NTM: variants seen among roughly 807,000 people sequenced by gnomAD.
NTM encodes neurotrimin, also known as IgLON family member 2.
In NTM, 13 loss-of-function variants were observed where a neutral mutation model predicts 42.1. That is an observed-to-expected ratio of 0.31 (90% CI 0.20 to 0.49). NTM has a LOEUF of 0.49. NTM is among the 20% of genes least tolerant of loss of function. NTM has a pLI of 0.99. For synonymous variants in NTM, 187 were observed against 179.2 expected (o/e 1.04, Z -0.35); for missense variants, 373 against 452.8 (o/e 0.82, Z 1.60).
At chr11:131,625,498 GAGAC>G (rs1231922712) in intron 1 of NTM, among the ~76,000 whole-genome samples, 2 of 152,206 alleles carry the variant, frequency 1.3e-5, no homozygotes, top group African/African-American at 2.4e-5. Context: ...CAAAGACAGA[GAGAC>G]AGACAGACAC....
intron 1 of NTM, among the ~76,000 whole-genome samples, chr11:131,577,699 T>A (rs947170368): frequency 3.3e-5 from 5 of 152,216 alleles, no homozygotes; most frequent in Admixed American, 1.3e-4. Context: ...GAAATCTAAG[T>A]CTCTGCAGGA....
At chr11:131,818,126 C>T (rs1325391261) in intron 1 of NTM, among the ~76,000 whole-genome samples, 2 of 152,136 alleles carry the variant, frequency 1.3e-5, no homozygotes, top group East Asian at 1.9e-4. Context: ...TGAAATCTCC[C>T]TCCTTGCTTC....
At chr11:132,083,595 A>T (rs1478351501) in intron 2 of NTM, among the ~76,000 whole-genome samples, 2 of 152,210 alleles carry the variant, frequency 1.3e-5, no homozygotes, top group Admixed American at 1.3e-4. Context: ...TTTACTCACC[A>T]CAGGTGAGGA....
intron 1 of NTM, among the ~76,000 whole-genome samples, chr11:131,500,464 A>G (rs987798928): frequency 1.9e-4 from 29 of 150,528 alleles, no homozygotes; most frequent in Admixed American, 1.4e-3. Context: ...TATGCTGACT[A>G]TTACCTTCAT....
At chr11:131,736,372 G>A (rs2080444473) in intron 1 of NTM, among the ~76,000 whole-genome samples, 1 of 152,120 alleles carries the variant, frequency 6.6e-6, no homozygotes, top group African/African-American at 2.4e-5. Context: ...CTACTGCTGG[G>A]GAAAATGTTC....
At chr11:131,608,051 C>T (rs964125082) in intron 1 of NTM, among the ~76,000 whole-genome samples, 4 of 152,164 alleles carry the variant, frequency 2.6e-5, no homozygotes, top group Non-Finnish European at 5.9e-5. Context: ...TATCCCTCCC[C>T]CAACCCCACA....
intron 1 of NTM, among the ~76,000 whole-genome samples, chr11:131,578,528 A>G (rs945300039): frequency 1.3e-5 from 2 of 152,204 alleles, no homozygotes; most frequent in Non-Finnish European, 1.5e-5. Context: ...CAGGGGAGCT[A>G]CATACATAAA....
chr11:131,426,497 G>A (rs1486542107), intron 1 of NTM, among the ~76,000 whole-genome samples: 1 of 152,196 alleles, frequency 6.6e-6, no homozygotes, highest in East Asian at 1.9e-4. Flanking sequence ...GAGCAACTGT[G>A]AATAAGAAAC....
chr11:131,806,557 T>C (rs549126748), intron 1 of NTM, among the ~76,000 whole-genome samples: 26 of 152,198 alleles, frequency 1.7e-4, no homozygotes, highest in African/African-American at 6.3e-4. Flanking sequence ...TAATATAATA[T>C]AATTTATATT....
intron 2 of NTM, among the ~76,000 whole-genome samples, chr11:132,062,838 G>A (rs1004709870): frequency 2.0e-5 from 3 of 152,088 alleles, no homozygotes; most frequent in African/African-American, 7.2e-5. Flanking sequence ...GAAACTCCAT[G>A]GAGTAAATTA....
At chr11:132,234,739 G>C (rs915128241) in intron 4 of NTM, among the ~76,000 whole-genome samples, 3 of 152,142 alleles carry the variant, frequency 2.0e-5, no homozygotes, top group South Asian at 2.1e-4. Context: ...TTGAAATCTT[G>C]TCACTTTCAA....
intron 2 of NTM, among the ~76,000 whole-genome samples, chr11:132,072,260 A>G (rs773263824): frequency 2.6e-4 from 39 of 152,170 alleles, no homozygotes; most frequent in Non-Finnish European, 4.9e-4. Flanking sequence ...TTTGAATACC[A>G]TGTCTTGTAA....
intron 1 of NTM, among the ~76,000 whole-genome samples, chr11:131,604,738 G>A (rs898981104): frequency 6.9e-6 from 1 of 144,438 alleles, no homozygotes; most frequent in African/African-American, 2.6e-5. Flanking sequence ...GAGGGGGTGG[G>A]GGAGTAAGAA....
intron 1 of NTM, among the ~76,000 whole-genome samples, chr11:131,797,972 A>T (rs1278778359): frequency 1.3e-5 from 2 of 151,926 alleles, no homozygotes; most frequent in African/African-American, 4.8e-5. Flanking sequence ...GACATTTTTC[A>T]TTTGATGGCT....
At chr11:131,856,952 A>G (rs930327) in intron 1 of NTM, among the ~76,000 whole-genome samples, 120,816 of 152,224 alleles carry the variant, frequency 0.79, 48,378 homozygotes, top group African/African-American at 0.88. Flanking sequence ...GCAATCCTGT[A>G]CTTTTTCCTT....
chr11:132,138,763 C>T (rs548619428), intron 2 of NTM, among the ~76,000 whole-genome samples: 1 of 152,170 alleles, frequency 6.6e-6, no homozygotes, highest in South Asian at 2.1e-4. Context: ...AGTGAAGTGC[C>T]CTTCCTCCAC....
intron 2 of NTM, among the ~76,000 whole-genome samples, chr11:131,951,019 C>T (rs1000911503): frequency 6.6e-6 from 1 of 152,110 alleles, no homozygotes; most frequent in African/African-American, 2.4e-5. Context: ...TTTTAATGGA[C>T]TGAATCATTT....
At chr11:132,019,044 C>T (rs1229071099) in intron 2 of NTM, among the ~76,000 whole-genome samples, 3 of 151,840 alleles carry the variant, frequency 2.0e-5, no homozygotes, top group Admixed American at 1.3e-4. Flanking sequence ...AGTCTGAAAA[C>T]GTAGAGTCTT....
intron 1 of NTM, among the ~76,000 whole-genome samples, chr11:131,471,429 A>G (rs1345448969): frequency 1.3e-5 from 2 of 152,186 alleles, no homozygotes; most frequent in Non-Finnish European, 2.9e-5. Context: ...GAAAAGACAG[A>G]TAGGACACCA....
Sources: gnomAD v4.1 joint callset for allele counts (sites outside exome capture counted in the v4.1 genomes callset) on GRCh38, gnomAD v4.1.1 for gene constraint, MANE v1.5 for transcripts, NCBI Gene and HGNC (gene_info 2026-07-23, HGNC 2026-07-21) for gene names.